The following ANKRD22 variants were observed in gnomAD, a reference collection of about 807,000 sequenced individuals.
ANKRD22 encodes the protein ankyrin repeat domain-containing protein 22.
A neutral mutation model predicts 25.7 loss-of-function variants in ANKRD22; 24 were observed. The observed-to-expected ratio is 0.93, with a 90% CI of 0.68 to 1.31. The LOEUF is 1.31. Among genes scored for constraint, ANKRD22 ranks in the 50% most tolerant of loss-of-function variants. The pLI is 0.00. For synonymous variants in ANKRD22, 84 were observed against 84.3 expected (o/e 1.00, Z 0.02); for missense variants, 214 against 227.1 (o/e 0.94, Z 0.37).
intron 2 of ANKRD22, among the ~76,000 whole-genome samples, chr10:88,831,610 A>G (rs1406987066): frequency 1.3e-5 from 2 of 152,214 alleles, no homozygotes; most frequent in East Asian, 3.8e-4. Flanking sequence ...GTAAAAAGAC[A>G]TAATTTATCA....
At chr10:88,823,483 T>A in intron 4 of ANKRD22, 105 bp from the exon 5 acceptor site, 1 of 845,966 alleles carries the variant, frequency 1.2e-6, no homozygotes, top group Non-Finnish European at 1.9e-6. Flanking sequence ...AGTATACAAC[T>A]AAGCAGAAAA....
intron 1 of ANKRD22, 129 bp downstream of exon 1, chr10:88,851,458 G>A (rs1844103899): frequency 1.1e-6 from 1 of 936,184 alleles, no homozygotes; most frequent in Non-Finnish European, 1.7e-6. Flanking sequence ...TATTTTTTCT[G>A]ACTTAATGCT....
intron 1 of ANKRD22, among the ~76,000 whole-genome samples, chr10:88,842,375 T>G (rs540967921): frequency 2.6e-5 from 4 of 152,242 alleles, no homozygotes; most frequent in African/African-American, 7.2e-5. Context: ...CTCTGGTCTA[T>G]CTAACTCCAG....
chr10:88,844,957 C>CAGCTGGCTTCTT (rs903005362), intron 1 of ANKRD22, among the ~76,000 whole-genome samples: 1 of 152,092 alleles, frequency 6.6e-6, no homozygotes, highest in Non-Finnish European at 1.5e-5. Context: ...CTGAGCTCAA[C>CAGCTGGCTTCTT]AGCTGGCTTC....
At chr10:88,837,426 A>G (rs543151297) in intron 1 of ANKRD22, among the ~76,000 whole-genome samples, 1 of 152,300 alleles carries the variant, frequency 6.6e-6, no homozygotes. Context: ...ATAATTGATC[A>G]AAGAGAGTGA....
chr10:88,850,792 A>G (rs941948175), intron 1 of ANKRD22, among the ~76,000 whole-genome samples: 7 of 152,154 alleles, frequency 4.6e-5, no homozygotes, highest in African/African-American at 1.7e-4. Flanking sequence ...ACATGGCATT[A>G]GAAATAACTG....
In ANKRD22 at chr10:88,820,005, G is replaced by A. The variant is rs963895410; in HGVS notation, c.*2936C>T. On this transcript the variant is annotated 3_prime_UTR_variant, in exon 6 of 6. Transcript: ENST00000371930. ...TCATTTGATCTAGCAAGTTATTACA[G>A]ATATTATCCCCAGTCACAGAAGAAG... Among the ~76,000 whole-genome samples the A allele has an allele frequency of 6.6e-6, 1 of 152,196 alleles. No homozygotes were observed. Among genetic ancestry groups the A allele is most frequent in the African/African-American group, 2.4e-5 (1 of 41,448 alleles).
chr10:88,842,867 G>C (rs142594160), intron 1 of ANKRD22, among the ~76,000 whole-genome samples: 1 of 152,064 alleles, frequency 6.6e-6, no homozygotes, highest in South Asian at 2.1e-4. Flanking sequence ...ATTGTTACTT[G>C]CCAATTCTTG....
intron 1 of ANKRD22, among the ~76,000 whole-genome samples, chr10:88,840,965 G>A (rs1843998478): frequency 6.6e-6 from 1 of 152,116 alleles, no homozygotes; most frequent in Non-Finnish European, 1.5e-5. Context: ...TCCCACCACT[G>A]GCTGGAACGT....
At chr10:88,823,430 C>A (rs1322076279) in intron 4 of ANKRD22, 52 bp from the exon 5 acceptor site, 1 of 1,338,988 alleles carries the variant, frequency 7.5e-7, no homozygotes, top group Non-Finnish European at 1.1e-6. Flanking sequence ...CCTCCACAGA[C>A]CATAGCATGT....
rs77590385 is a variant in ANKRD22 at position 88,827,209 on chromosome 10, A to G, written c.322-1094T>C. ...CCTCCTAAACTGCCTTTCTCTGCCT[A>G]CTTTTCTCTGAAATAACCCAATGCT... On this transcript the variant is annotated intron_variant, in intron 3 of 5. Coordinates refer to ENST00000371930, the MANE Select transcript of ANKRD22 (RefSeq NM_144590.3). Among the ~76,000 whole-genome samples, 767 of 124,846 alleles carry G rather than the reference A, an allele frequency of 6.1e-3. 10 individuals carry two copies. The highest frequency in any genetic ancestry group is 0.018 in the African/African-American group (730 of 39,560). The allele number at this position is 124,846 out of a possible 152,430, so 81.9% of individuals were successfully genotyped here. A position where few individuals can be genotyped will look rare whatever the true frequency, so the allele number is the denominator to read the frequency against.
At position 88,823,029 on chromosome 10, in the gene ANKRD22, A is replaced by G. The variant is rs567902619; in HGVS notation, c.499-11T>C. The stretch of plus-strand genomic sequence containing the variant: ...TGAGCTCTCACCATGCTGAGGGGGG[A>G]AAAATATACAGTTATTTCCAATAGA... On this transcript the variant is annotated splice_polypyrimidine_tract_variant and intron_variant, in intron 5 of 5. Transcript: ENST00000371930. 1.1e-5 allele frequency: 17 copies of G among 1,608,296 alleles called. No homozygotes were observed. The East Asian group carries it at 1.1e-4, about 11-fold the overall frequency.
chr10:88,838,623 T>C (rs1050748949), intron 1 of ANKRD22, among the ~76,000 whole-genome samples: 4 of 152,086 alleles, frequency 2.6e-5, no homozygotes, highest in African/African-American at 4.8e-5. Context: ...TTATGGATGT[T>C]GAGGTCACTG....
chr10:88,829,707 TG>T (rs1406610908), intron 2 of ANKRD22, among the ~76,000 whole-genome samples: 1 of 152,242 alleles, frequency 6.6e-6, no homozygotes, highest in Non-Finnish European at 1.5e-5. Context: ...TAGTATTGAG[TG>T]GAACTACTCT....
chr10:88,847,552 C>T (rs1005440929), intron 1 of ANKRD22, among the ~76,000 whole-genome samples: 10 of 152,124 alleles, frequency 6.6e-5, no homozygotes, highest in African/African-American at 2.2e-4. Context: ...AGCCACTGCG[C>T]CTGGCCTCAA....
At chr10:88,828,901 T>C (rs909428675) in intron 2 of ANKRD22, among the ~76,000 whole-genome samples, 1 of 152,050 alleles carries the variant, frequency 6.6e-6, no homozygotes, top group Non-Finnish European at 1.5e-5. Flanking sequence ...AAAGGTGAAA[T>C]GTACACAGCA....
chr10:88,825,011 T>TCTCTCACA (rs1420247268), intron 4 of ANKRD22, among the ~76,000 whole-genome samples: 25 of 111,504 alleles, frequency 2.2e-4, no homozygotes, highest in Middle Eastern at 4.7e-3. Flanking sequence ...TCTCTCTCTC[T>TCTCTCACA]CACACACACA....
At chr10:88,850,411 C>T (rs1462605749) in intron 1 of ANKRD22, among the ~76,000 whole-genome samples, 20 of 152,068 alleles carry the variant, frequency 1.3e-4, no homozygotes, top group Non-Finnish European at 1.5e-5. Flanking sequence ...TCTGTATAGA[C>T]ATTAAAAACG....
At position 88,835,030 on chromosome 10, in the gene ANKRD22, TC is replaced by T. The variant is rs141783617; in HGVS notation, c.22-3005del. ...ATAACTGGTGCTTAGTGGCAGTGAC[TC>T]CAATTCTCCACAGTCCCCACCACTC... On this transcript the variant is annotated intron_variant, in intron 1 of 5. Transcript: ENST00000371930. Among the ~76,000 whole-genome samples, 1,578 of 152,236 alleles carry T rather than the reference TC, an allele frequency of 0.01. 54 individuals are homozygous for T. The East Asian group carries it at 0.15, about 14-fold the overall frequency.
Sources: gnomAD v4.1 joint callset for allele counts (sites outside exome capture counted in the v4.1 genomes callset) on GRCh38, gnomAD v4.1.1 for gene constraint, MANE v1.5 for transcripts, NCBI Gene and HGNC (gene_info 2026-07-23, HGNC 2026-07-21) for gene names.